SIGLEC1: variants seen among roughly 807,000 people sequenced by gnomAD.
The protein encoded by SIGLEC1 is sialoadhesin.
SIGLEC1 carries 132 observed loss-of-function variants against 148.0 expected under a neutral mutation model. The ratio of observed to expected loss-of-function variants is 0.89; its 90% CI spans 0.77 to 1.03. SIGLEC1 has a LOEUF of 1.03. Ranked by LOEUF, SIGLEC1 falls within the 50% of genes least tolerant of loss-of-function variation. The pLI is 0.00. For missense variants in SIGLEC1, 2,253 were observed against 2,271.4 expected, an observed-to-expected ratio of 0.99 and a Z score of 0.16; for synonymous variants, 945 against 969.0, an observed-to-expected ratio of 0.98 and a Z score of 0.46.
rs1386555751 is a variant in SIGLEC1, at chr20:3,696,749, C to G, written c.2520G>C (p.Leu840=). 4.3e-6 allele frequency: 7 copies of G among 1,613,160 alleles called. No homozygotes were observed. In the Admixed American group the frequency reaches 1.2e-4, roughly 27 times the overall value. The change falls in exon 11 of 22, where the codon CTG becomes CTC. Residue 840 remains leucine, a synonymous_variant. Transcript: ENST00000344754. ...FHGEHLLATS[L]GPQVPSHGRF... ...GACCATGGGATGGGACCTGGGGACC[C>G]AGGCTGGTGGCCAGGAGGTGCTCCC...
chr20:3,697,676 AG>A, intron 9 of SIGLEC1, 121 bp downstream of exon 9: 2 of 833,470 alleles, frequency 2.4e-6, no homozygotes, highest in Non-Finnish European at 3.8e-6. Flanking sequence ...AATGTGGAGG[AG>A]GGCAGCGAAG....
At chr20:3,688,933 C>G (rs981691282) in intron 21 of SIGLEC1, 8 of 607,436 alleles carry the variant, frequency 1.3e-5, no homozygotes, top group East Asian at 2.7e-5. Flanking sequence ...AGAAAGTCTC[C>G]CCTAGTCCTC....
chr20:3,688,671 GC>G, intron 21 of SIGLEC1, 52 bp from the exon 22 acceptor site: 5 of 1,387,302 alleles, frequency 3.6e-6, no homozygotes, highest in East Asian at 2.5e-5. Flanking sequence ...GCCAGGGCAG[GC>G]CCCCAGGCCC....
chr20:3,693,266 C>T, intron 14 of SIGLEC1, 135 bp from the exon 15 acceptor site: 1 of 1,203,782 alleles, frequency 8.3e-7, no homozygotes, highest in Non-Finnish European at 1.1e-6. Context: ...TGAGGCACTG[C>T]TCCTCTGCCC....
chr20:3,703,709 A>G (rs1045992310), intron 5 of SIGLEC1, 116 bp downstream of exon 5: 1 of 1,376,646 alleles, frequency 7.3e-7, no homozygotes, highest in East Asian at 2.4e-5. Flanking sequence ...ACCTGCATCC[A>G]GGAAGCACTG....
At chr20:3,697,672 G>A in intron 9 of SIGLEC1, 126 bp downstream of exon 9, 4 of 833,460 alleles carry the variant, frequency 4.8e-6, no homozygotes, top group Non-Finnish European at 7.6e-6. Context: ...CCTGAATGTG[G>A]AGGAGGGCAG....
At chr20:3,693,210 A>C (rs2088784044) in intron 14 of SIGLEC1, 79 bp from the exon 15 acceptor site, 39 of 1,453,122 alleles carry the variant, frequency 2.7e-5, no homozygotes, top group Non-Finnish European at 3.1e-5. Flanking sequence ...ATTCAAACTC[A>C]GGAGGGCCCT....
At position 3,691,462 on chromosome 20, in the gene SIGLEC1, G is replaced by A. The variant is rs147117268; in HGVS notation, c.4469C>T (p.Ala1490Val). 47 of 1,613,042 alleles carry A rather than the reference G, an allele frequency of 2.9e-5. No individual in the cohort carries two copies. Among genetic ancestry groups the A allele is most frequent in the African/African-American group, 8.0e-5 (6 of 74,956 alleles). ...AWFWNDRRLH[A>V]EPVPTLAFTH... ...GAAGGCGAGAGTGGGCACAGGCTCC[G>A]CGTGCAGCCGCCGGTCATTCCAGAA... Residue 1490 changes from alanine (A) to valine (V), a missense_variant, in exon 18 of 22, where the codon GCG becomes GTG. Ala to Val is a moderately conservative substitution (Grantham distance 64). Transcript: ENST00000344754.
intron 8 of SIGLEC1, 64 bp downstream of exon 8, chr20:3,699,138 C>T: frequency 1.3e-6 from 2 of 1,569,332 alleles, no homozygotes; most frequent in African/African-American, 1.4e-5. Flanking sequence ...GGCTGGGGGG[C>T]CTAGAGGAGG....
At chr20:3,700,685 TTTTTTC>T (rs1311756874) in intron 7 of SIGLEC1, among the ~76,000 whole-genome samples, 1 of 133,804 alleles carries the variant, frequency 7.5e-6, no homozygotes, top group Non-Finnish European at 1.5e-5. Flanking sequence ...CGTACTTTTC[TTTTTTC>T]TTTTTCTTTT....
At position 3,706,062 on chromosome 20, in the gene SIGLEC1, C is replaced by T. The variant is rs754720981; in HGVS notation, c.410-22G>A. Reference sequence around the variant, plus strand: ...TCCTCTGAGGACAGAGACAGCAGTGCTCAGGACCCGCTTTTGCCACCCCTG... The same window carrying T: ...TCCTCTGAGGACAGAGACAGCAGTGTTCAGGACCCGCTTTTGCCACCCCTG... On this transcript the variant is annotated intron_variant, in intron 3 of 21. Coordinates refer to ENST00000344754, the MANE Select transcript of SIGLEC1 (RefSeq NM_023068.4). The T allele has an allele frequency of 6.3e-6, 10 of 1,599,548 alleles. No individual in the cohort carries two copies. The Admixed American group carries it at 6.7e-5, about 11-fold the overall frequency.
chr20:3,704,283 T>C (rs745598450), intron 4 of SIGLEC1, among the ~76,000 whole-genome samples, 192 bp from the exon 5 acceptor site: 1 of 152,210 alleles, frequency 6.6e-6, no homozygotes, highest in African/African-American at 2.4e-5. Context: ...CTGCGCCTGA[T>C]GCATTCCTAT....
rs772489459 is a variant in SIGLEC1, at chr20:3,696,835, T to C, written c.2434A>G (p.Met812Val). ...SALLDMGQGH[M>V]ALFICTVDSR... Reference sequence around the variant, plus strand: ...TCCACAGTGCAGATGAACAGAGCCATGTGGCCCTGGCCCATGTCTAGGAGG... The same window carrying C: ...TCCACAGTGCAGATGAACAGAGCCACGTGGCCCTGGCCCATGTCTAGGAGG... The change falls in exon 11 of 22, where the codon ATG becomes GTG. Residue 812 changes from methionine to valine, a missense_variant. Coordinates refer to ENST00000344754, the MANE Select transcript of SIGLEC1 (RefSeq NM_023068.4). 6.3e-7 allele frequency: 1 copy of C among 1,594,008 alleles called. No homozygotes were observed. The highest frequency in any genetic ancestry group is 1.7e-5 in the Admixed American group (1 of 58,240).
Position 3,694,296 on chromosome 20 carries a change from C to T in SIGLEC1, c.3181G>A (p.Asp1061Asn). 6.2e-7 allele frequency: 1 copy of T among 1,613,040 alleles called. No individual in the cohort carries two copies. The highest frequency in any genetic ancestry group is 8.5e-7 in the Non-Finnish European group (1 of 1,180,018). The change falls in exon 13 of 22, where the codon GAT becomes AAT. Residue 1061 changes from aspartate (D) to asparagine (N), a missense_variant. Transcript: ENST00000344754. ...RLEIHGAMLE[D>N]EGVYICEASN... is the part of the protein sequence containing the mutation. ...GCCTCACAGATATAGACACCCTCAT[C>T]CTCCAGCATAGCCCCGTGGATCTCC... is the stretch of plus-strand genomic sequence containing the variant.
intron 1 of SIGLEC1, among the ~76,000 whole-genome samples, chr20:3,712,247 G>A (rs2087932718): frequency 1.3e-5 from 2 of 152,098 alleles, no homozygotes. Context: ...GTCGGGACTG[G>A]GATTGGGATG....
At chr20:3,703,687 C>G in intron 5 of SIGLEC1, 138 bp downstream of exon 5, 1 of 1,223,816 alleles carries the variant, frequency 8.2e-7, no homozygotes, top group Non-Finnish European at 1.1e-6. Context: ...TAAGGCAGGG[C>G]TGGGACTCCA....
rs967895639 is a variant in SIGLEC1, at chr20:3,710,780, G to A, written c.-110+1690C>T. 1.3e-5 allele frequency among the ~76,000 whole-genome samples: 2 copies of A among 152,222 alleles called. No individual in the cohort carries two copies. Among genetic ancestry groups the A allele is most frequent in the African/African-American group, 4.8e-5 (2 of 41,456 alleles). Reference sequence around the variant, plus strand: ...CAGCGACCCTGGAACAGGGCGCGGGGGAGGACCCTTTCCAGGACCACTCCC... The same window carrying A: ...CAGCGACCCTGGAACAGGGCGCGGGAGAGGACCCTTTCCAGGACCACTCCC... On this transcript the variant is annotated intron_variant, in intron 1 of 21. Transcript: ENST00000344754. The surrounding 1 kb of genome is among the most constrained non-coding windows in gnomAD (Gnocchi z 4.6).
Position 3,703,949 on chromosome 20 carries a change from G to A in SIGLEC1, c.849C>T (p.Leu283=), listed in dbSNP as rs147818172. The stretch of plus-strand genomic sequence containing the variant: ...GGTGCAGCACACCAGTCTTGGTTTG[G>A]AGGCGTACCCCATCCTTGAGCCACT... ...SIKWLKDGVR[L]QTKTGVLHLP... is the part of the protein sequence containing the mutation. Residue 283 remains leucine, a synonymous_variant, in exon 5 of 22, where the codon CTC becomes CTT. Coordinates refer to ENST00000344754, the MANE Select transcript of SIGLEC1 (RefSeq NM_023068.4). 8.7e-6 allele frequency: 14 copies of A among 1,613,420 alleles called. No individual in the cohort carries two copies. The highest frequency in any genetic ancestry group is 1.2e-5 in the Non-Finnish European group (14 of 1,179,720).
At chr20:3,693,255 C>G in intron 14 of SIGLEC1, 124 bp from the exon 15 acceptor site, 1 of 1,237,560 alleles carries the variant, frequency 8.1e-7, no homozygotes, top group Non-Finnish European at 1.1e-6. Flanking sequence ...ACCACCCAGT[C>G]TGAGGCACTG....
Sources: allele counts gnomAD v4.1 joint callset (sites outside exome capture counted in the v4.1 genomes callset), GRCh38; gene constraint gnomAD v4.1.1; non-coding constraint Gnocchi (gnomAD v3.1); transcripts MANE v1.5; gene names NCBI Gene and HGNC (gene_info 2026-07-23, HGNC 2026-07-21).